Variants in TRIM71 observed in about 807,000 individuals in gnomAD.
The protein encoded by TRIM71 is E3 ubiquitin-protein ligase TRIM71.
A neutral mutation model predicts 61.2 loss-of-function variants in TRIM71; 9 were observed. That is an observed-to-expected ratio of 0.15 (90% confidence interval 0.09 to 0.26). The LOEUF (loss-of-function observed/expected upper bound fraction) is 0.26, where lower values mean the gene tolerates loss of function less well. Ranked by LOEUF, TRIM71 falls within the 10% of genes least tolerant of loss-of-function variation. The probability of loss-of-function intolerance (pLI) is 1.00; values close to 1 mark genes in which losing one functional copy is unlikely to be tolerated. For synonymous variants in TRIM71, 645 were observed against 553.2 expected, an observed-to-expected ratio of 1.17 and a Z score of -2.33; for missense variants, 998 against 1,238.7, an observed-to-expected ratio of 0.81 and a Z score of 2.92.
At chr3:32,882,171 G>A (rs543805618) in intron 2 of TRIM71, among the ~76,000 whole-genome samples, 4 of 151,772 alleles carry the variant, frequency 2.6e-5, no homozygotes, top group Non-Finnish European at 4.4e-5. Flanking sequence ...TTGTAGCCCA[G>A]GCTGGGTCTT....
intron 1 of TRIM71, among the ~76,000 whole-genome samples, chr3:32,836,103 T>C (rs889028972): frequency 2.0e-5 from 3 of 152,194 alleles, no homozygotes; most frequent in African/African-American, 4.8e-5. Flanking sequence ...AAGGGAGATC[T>C]TCCCCTCCCC....
chr3:32,827,268 CT>C (rs369755706), intron 1 of TRIM71, among the ~76,000 whole-genome samples: 531 of 129,364 alleles, frequency 4.1e-3, no homozygotes, highest in Middle Eastern at 5.2e-3. Flanking sequence ...GGGGATAATT[CT>C]TTTTTTTTTT....
At chr3:32,883,334 T>C (rs953568626) in intron 2 of TRIM71, among the ~76,000 whole-genome samples, 32 of 152,374 alleles carry the variant, frequency 2.1e-4, no homozygotes, top group African/African-American at 7.7e-4. Context: ...CAATTTACCA[T>C]AAACTGGATT....
chr3:32,855,225 A>AACGTGACTAGATACACATTTTCAGGG, intron 1 of TRIM71, among the ~76,000 whole-genome samples: 1 of 152,220 alleles, frequency 6.6e-6, no homozygotes, highest in Admixed American at 6.5e-5. Context: ...AATTCAAATG[A>AACGTGACTAGATACACATTTTCAGGG]ACGTGACTAG....
At chr3:32,882,740 C>T (rs547945527) in intron 2 of TRIM71, among the ~76,000 whole-genome samples, 1 of 152,196 alleles carries the variant, frequency 6.6e-6, no homozygotes, top group East Asian at 1.9e-4. Flanking sequence ...GACGGGGTCT[C>T]ACTCTTGGCC....
intron 1 of TRIM71, among the ~76,000 whole-genome samples, chr3:32,838,396 A>T (rs935571553): frequency 1.5e-4 from 23 of 151,336 alleles, no homozygotes; most frequent in Admixed American, 2.6e-4. Flanking sequence ...AGCTAATTTT[A>T]TATTTTTAGT....
chr3:32,869,890 T>C (rs1286724416), intron 1 of TRIM71, among the ~76,000 whole-genome samples: 1 of 152,108 alleles, frequency 6.6e-6, no homozygotes, highest in Non-Finnish European at 1.5e-5. Context: ...CGAGGGGGCG[T>C]GTCTGTGCAT....
At chr3:32,831,536 C>CTTTTTTTTTTTTTTTT (rs71068093) in intron 1 of TRIM71, among the ~76,000 whole-genome samples, 1 of 96,700 alleles carries the variant, frequency 1.0e-5, no homozygotes, top group African/African-American at 3.7e-5. Context: ...GCTTATCTTC[C>CTTTTTTTTTTTTTTTT]TTTTTTTTTT....
At position 32,818,342 on chromosome 3, in the gene TRIM71, A is replaced by G; in HGVS notation, c.262A>G (p.Lys88Glu). The G allele has an allele frequency of 2.8e-6, 4 of 1,452,874 alleles. No homozygotes were observed. The South Asian group carries it at 3.9e-5, about 14-fold the overall frequency. 90.0% of individuals were successfully genotyped at this position (1,452,874 alleles called of 1,614,324 possible). ...CGGCGGCGCGGCGGGAGAGCCGCTC[A>G]AGCTGCGCTGCCCCGTGTGCGACCA... Reference protein sequence around the residue: ...AGGGAAGEPLKLRCPVCDQKV... With the variant: ...AGGGAAGEPLELRCPVCDQKV... The change falls in exon 1 of 4, where the codon AAG becomes GAG. Residue 88 changes from lysine to glutamate, a missense_variant. By Grantham distance (56) the Lys-to-Glu change is moderately conservative. Coordinates refer to ENST00000383763, the MANE Select transcript of TRIM71 (RefSeq NM_001039111.3).
At chr3:32,831,696 C>T (rs916922295) in intron 1 of TRIM71, among the ~76,000 whole-genome samples, 2 of 151,950 alleles carry the variant, frequency 1.3e-5, no homozygotes, top group East Asian at 1.9e-4. Context: ...GCCACCATGC[C>T]TGGCTAATTT....
At chr3:32,837,822 C>A (rs1384430584) in intron 1 of TRIM71, among the ~76,000 whole-genome samples, 1 of 151,970 alleles carries the variant, frequency 6.6e-6, no homozygotes, top group African/African-American at 2.4e-5. Context: ...AGAAAAAAAA[C>A]CTCCTGAAGT....
At chr3:32,820,015 C>T (rs1292861975) in intron 1 of TRIM71, among the ~76,000 whole-genome samples, 1 of 152,246 alleles carries the variant, frequency 6.6e-6, no homozygotes, top group African/African-American at 2.4e-5. Context: ...GTCTTCTCCC[C>T]CGAACCCAAT....
chr3:32,825,559 G>C (rs754119307), intron 1 of TRIM71, among the ~76,000 whole-genome samples: 4 of 152,162 alleles, frequency 2.6e-5, no homozygotes, highest in Non-Finnish European at 4.4e-5. Context: ...AAAAGGGTGA[G>C]ATGAATTCTA....
At chr3:32,882,744 C>G (rs1430076006) in intron 2 of TRIM71, among the ~76,000 whole-genome samples, 3 of 152,142 alleles carry the variant, frequency 2.0e-5, no homozygotes, top group Non-Finnish European at 4.4e-5. Context: ...GGGTCTCACT[C>G]TTGGCCAGGC....
At chr3:32,865,792 GCCCCCCCCCCC>G (rs1299742812) in intron 1 of TRIM71, among the ~76,000 whole-genome samples, 1 of 5,406 alleles carries the variant, frequency 1.8e-4, no homozygotes, top group African/African-American at 7.0e-4. Flanking sequence ...CCGCCCGCCG[GCCCCCCCCCCC>G]CCCCGCCCCA....
rs753825230 is a variant in TRIM71 at position 32,891,115 on chromosome 3, C to T, written c.1911C>T (p.Gly637=). 23 of 1,611,468 alleles carry T rather than the reference C, an allele frequency of 1.4e-5. No individual in the cohort carries two copies. Among genetic ancestry groups the T allele is most frequent in the African/African-American group, 2.7e-5 (2 of 74,914 alleles). The change falls in exon 4 of 4, where the codon GGC becomes GGT. Residue 637 remains glycine, a synonymous_variant. Transcript: ENST00000383763. This position sits in a 1 kb window ranked among gnomAD's most constrained non-coding sequence, Gnocchi z 8.2. Reference sequence around the variant, plus strand: ...GCATCCAGGTGTTCAAGCCCTGCGGCGCCTTCCACCACAAATTCGGCACCC... The same window carrying T: ...GCATCCAGGTGTTCAAGCCCTGCGGTGCCTTCCACCACAAATTCGGCACCC... ...NNRIQVFKPC[G]AFHHKFGTLG...
In TRIM71 at chr3:32,890,552, C is replaced by G; in HGVS notation, c.1348C>G (p.Leu450Val). 6.2e-7 allele frequency: 1 copy of G among 1,614,052 alleles called. No homozygotes were observed. ...GCAGGAGCTGAAGACCGTGCGGAGC[C>G]TCCTGCAGCCCCAGGAAGACGACCG... is the stretch of plus-strand genomic sequence containing the variant. ...QVQELKTVRS[L>V]LQPQEDDRVM... The change falls in exon 4 of 4, where the codon CTC (leucine) becomes GTC (valine). Residue 450 changes from leucine (L) to valine (V), a missense_variant. This residue lies in a region of TRIM71 where 291 missense variants were observed against 431.2 expected (regional missense o/e 0.67). Transcript: ENST00000383763. This position sits in a 1 kb window ranked among gnomAD's most constrained non-coding sequence, Gnocchi z 6.2.
At chr3:32,819,626 G>T (rs1224583104) in intron 1 of TRIM71, among the ~76,000 whole-genome samples, 1 of 152,162 alleles carries the variant, frequency 6.6e-6, no homozygotes, top group Non-Finnish European at 1.5e-5. Context: ...TAAAATGCGT[G>T]TTCTGGCCCC....
rs1697022636 is a variant in TRIM71, at chr3:32,891,373, G to T, written c.2169G>T (p.Arg723=). 6.2e-7 allele frequency: 1 copy of T among 1,614,050 alleles called. No individual in the cohort carries two copies. Among genetic ancestry groups the T allele is most frequent in the Non-Finnish European group, 8.5e-7 (1 of 1,180,042 alleles). The change falls in exon 4 of 4, where the codon CGG becomes CGT. Residue 723 remains arginine, a synonymous_variant. Transcript: ENST00000383763. This position sits in a 1 kb window ranked among gnomAD's most constrained non-coding sequence, Gnocchi z 8.2. ...TGGTCTCAGACACGAGGAACCACCG[G>T]ATCCAGCTGTTTGGGCCTGATGGTG... ...KILVSDTRNH[R]IQLFGPDGVF...
Sources: gnomAD v4.1 joint callset for allele counts (sites outside exome capture counted in the v4.1 genomes callset) on GRCh38, gnomAD v4.1.1 for gene constraint, gnomAD v4.1.1 regional missense constraint, Gnocchi (gnomAD v3.1) non-coding constraint, MANE v1.5 for transcripts, NCBI Gene and HGNC (gene_info 2026-07-23, HGNC 2026-07-21) for gene names.